Variants in SLAMF6 observed in about 807,000 individuals in gnomAD.
SLAMF6 encodes the protein NK-T-B-antigen.
SLAMF6 carries 21 observed loss-of-function variants against 38.3 expected under a neutral mutation model. The observed-to-expected ratio is 0.55, with a 90% CI of 0.39 to 0.79. The LOEUF (loss-of-function observed/expected upper bound fraction) is 0.79, where lower values mean the gene tolerates loss of function less well. SLAMF6 is among the 30% of genes least tolerant of loss of function. SLAMF6 has a pLI of 0.00. For missense variants in SLAMF6, 341 were observed against 385.3 expected (o/e 0.89, Z 0.96); for synonymous variants, 152 against 146.3 (o/e 1.04, Z -0.28).
chr1:160,488,663 C>T (rs1653100057), intron 6 of SLAMF6, among the ~76,000 whole-genome samples: 1 of 152,134 alleles, frequency 6.6e-6, no homozygotes, highest in Admixed American at 6.6e-5. Context: ...CCTAAGACCC[C>T]TACATGCAGA....
intron 4 of SLAMF6, 167 bp downstream of exon 4, chr1:160,490,408 G>T: frequency 1.3e-6 from 1 of 793,594 alleles, no homozygotes; most frequent in Non-Finnish European, 1.5e-6. Context: ...GATATTAGCA[G>T]GTGCAAGATC....
At chr1:160,499,606 G>A (rs1222942341) in intron 1 of SLAMF6, among the ~76,000 whole-genome samples, 1 of 152,168 alleles carries the variant, frequency 6.6e-6, no homozygotes, top group Non-Finnish European at 1.5e-5. Context: ...AATGACATTG[G>A]TAGTTTGATA....
intron 1 of SLAMF6, among the ~76,000 whole-genome samples, chr1:160,516,089 C>T (rs1571316018): frequency 6.6e-6 from 1 of 152,020 alleles, no homozygotes; most frequent in Non-Finnish European, 1.5e-5. Flanking sequence ...TGACACGATC[C>T]TATATCTAGA....
intron 1 of SLAMF6, among the ~76,000 whole-genome samples, chr1:160,518,018 T>G (rs188864535): frequency 6.6e-6 from 1 of 151,858 alleles, no homozygotes; most frequent in Non-Finnish European, 1.5e-5. Flanking sequence ...AAAATAAAAA[T>G]TAAAAGAAAG....
At chr1:160,490,031 T>A (rs1653195462) in intron 5 of SLAMF6, 167 bp downstream of exon 5, 15 of 805,140 alleles carry the variant, frequency 1.9e-5, no homozygotes, top group Non-Finnish European at 1.1e-5. Context: ...CTGTGAACCA[T>A]GTAGGACCCA....
At chr1:160,516,849 A>C (rs780225059) in intron 1 of SLAMF6, among the ~76,000 whole-genome samples, 2 of 152,230 alleles carry the variant, frequency 1.3e-5, no homozygotes, top group Non-Finnish European at 2.9e-5. Flanking sequence ...CACCTTATAC[A>C]AAAATTAACT....
Position 160,489,167 on chromosome 1 carries a change from T to C in SLAMF6, c.800A>G (p.Glu267Gly). The C allele has an allele frequency of 6.2e-7, 1 of 1,613,906 alleles. No individual in the cohort carries two copies. The highest frequency in any genetic ancestry group is 8.5e-7 in the Non-Finnish European group (1 of 1,179,818). The change falls in exon 6 of 8, where the codon GAG (glutamate) becomes GGG (glycine). Residue 267 changes from glutamate to glycine, a missense_variant. Physicochemically the swap from Glu to Gly is moderately conservative, Grantham distance 98 (BLOSUM62 -2). Transcript: ENST00000368057. ...LSTQRTQGPA[E>G]SARNLEYVSV... ...AACATACTCTAGGTTCCTTGCGGAC[T>C]CTGCTGTTAACATAGGAAGGCACAG...
At chr1:160,505,196 C>T (rs1654119231) in intron 1 of SLAMF6, among the ~76,000 whole-genome samples, 1 of 151,904 alleles carries the variant, frequency 6.6e-6, no homozygotes, top group South Asian at 2.1e-4. Context: ...GAATTACAAC[C>T]CAGAGCAAGG....
intron 5 of SLAMF6, among the ~76,000 whole-genome samples, 196 bp from the exon 6 acceptor site, chr1:160,489,366 C>T (rs1486365495): frequency 2.0e-5 from 3 of 152,052 alleles, no homozygotes; most frequent in East Asian, 1.9e-4. Flanking sequence ...TATTTCTGAC[C>T]ACATCTCTTG....
intron 1 of SLAMF6, among the ~76,000 whole-genome samples, chr1:160,501,046 A>G (rs723155): frequency 0.1 from 15,892 of 152,270 alleles, 1,650 homozygotes; most frequent in African/African-American, 0.26. Context: ...GGAGTGCCCC[A>G]AAACAGAGCC....
In SLAMF6 at chr1:160,486,122, A is replaced by G. The variant is rs1464949231; in HGVS notation, c.*585T>C. The G allele has an allele frequency of 6.6e-6, 1 of 152,444 alleles. No individual in the cohort carries two copies. The highest frequency in any genetic ancestry group is 2.4e-5 in the African/African-American group (1 of 41,454). The allele number at this position is 152,444 out of a possible 1,614,324, so 9.4% of individuals were successfully genotyped here. A position where few individuals can be genotyped will look rare whatever the true frequency, so the allele number is the denominator to read the frequency against. On this transcript the variant is annotated 3_prime_UTR_variant, in exon 8 of 8. Coordinates refer to ENST00000368057, the MANE Select transcript of SLAMF6 (RefSeq NM_001184714.2). The stretch of plus-strand genomic sequence containing the variant: ...TCGACATCAATGAAACTCAAGGGAA[A>G]TGCTTATTGGAGCATTTTGAATTTT...
At chr1:160,515,762 T>G (rs1408508006) in intron 1 of SLAMF6, among the ~76,000 whole-genome samples, 1 of 152,180 alleles carries the variant, frequency 6.6e-6, no homozygotes, top group Non-Finnish European at 1.5e-5. Flanking sequence ...AACCACAGAT[T>G]ATCTTAATAG....
At chr1:160,487,238 T>G in intron 6 of SLAMF6, 63 bp from the exon 7 acceptor site, 1 of 1,392,890 alleles carries the variant, frequency 7.2e-7, no homozygotes, top group East Asian at 2.3e-5. Flanking sequence ...CATAGATATA[T>G]TCTTAGGAAA....
intron 1 of SLAMF6, among the ~76,000 whole-genome samples, chr1:160,498,666 T>C (rs1176531849): frequency 6.6e-6 from 1 of 152,118 alleles, no homozygotes; most frequent in Non-Finnish European, 1.5e-5. Flanking sequence ...CAGTTCAAGA[T>C]GAGATTTGGG....
At chr1:160,516,882 T>C (rs994938955) in intron 1 of SLAMF6, among the ~76,000 whole-genome samples, 1 of 152,162 alleles carries the variant, frequency 6.6e-6, no homozygotes, top group Admixed American at 6.6e-5. Flanking sequence ...AAGACTTAAA[T>C]GTAAAACTCA....
At chr1:160,499,528 C>G (rs1391447293) in intron 1 of SLAMF6, among the ~76,000 whole-genome samples, 1 of 152,016 alleles carries the variant, frequency 6.6e-6, no homozygotes, top group Admixed American at 6.6e-5. Flanking sequence ...CTTAGAATTG[C>G]TTTGACTATT....
intron 1 of SLAMF6, among the ~76,000 whole-genome samples, chr1:160,506,505 A>C (rs765102580): frequency 6.6e-6 from 1 of 152,206 alleles, no homozygotes; most frequent in African/African-American, 2.4e-5. Context: ...GTAGACTTGT[A>C]CTGTAAGAAA....
intron 1 of SLAMF6, among the ~76,000 whole-genome samples, chr1:160,509,902 A>G (rs1654387291): frequency 6.6e-6 from 1 of 152,164 alleles, no homozygotes; most frequent in African/African-American, 2.4e-5. Flanking sequence ...TACTAAAAGT[A>G]GACATAGAAG....
intron 1 of SLAMF6, among the ~76,000 whole-genome samples, chr1:160,517,731 T>A (rs1168166999): frequency 6.6e-6 from 1 of 152,146 alleles, no homozygotes; most frequent in African/African-American, 2.4e-5. Flanking sequence ...GAAGCCATTA[T>A]CCTCAGCAAA....
Sources: allele counts gnomAD v4.1 joint callset (sites outside exome capture counted in the v4.1 genomes callset), GRCh38; gene constraint gnomAD v4.1.1; transcripts MANE v1.5; gene names NCBI Gene and HGNC (gene_info 2026-07-23, HGNC 2026-07-21).